ATP2C2: variants seen among roughly 807,000 people sequenced by gnomAD.
ATP2C2 encodes calcium-transporting ATPase type 2C member 2.
In ATP2C2, 171 loss-of-function variants were observed where a neutral mutation model predicts 110.8. The observed-to-expected ratio is 1.54, with a 90% CI of 1.36 to 1.75. The LOEUF (loss-of-function observed/expected upper bound fraction) is 1.75. Among genes scored for constraint, ATP2C2 ranks in the 40% most tolerant of loss-of-function variants. The pLI is 0.00. For synonymous variants in ATP2C2, 804 were observed against 508.4 expected, an observed-to-expected ratio of 1.58 and a Z score of -7.82; for missense variants, 1,963 against 1,235.0, an observed-to-expected ratio of 1.59 and a Z score of -8.84.
chr16:84,442,459 T>G, intron 14 of ATP2C2, 51 bp from the exon 15 acceptor site: 3 of 1,581,558 alleles, frequency 1.9e-6, no homozygotes, highest in African/African-American at 1.3e-5. Flanking sequence ...AATGTCTAAC[T>G]TTTTCATGAG....
chr16:84,451,720 C>G (rs893204659), intron 17 of ATP2C2, among the ~76,000 whole-genome samples: 3 of 152,176 alleles, frequency 2.0e-5, no homozygotes, highest in East Asian at 1.9e-4. Context: ...TGCCCGTAAT[C>G]CCAGCTACTC....
chr16:84,370,236 G>C (rs1909873369), intron 1 of ATP2C2, among the ~76,000 whole-genome samples: 1 of 152,218 alleles, frequency 6.6e-6, no homozygotes, highest in Non-Finnish European at 1.5e-5. Flanking sequence ...AGAGTTCTCA[G>C]AGGTCTGACA....
At chr16:84,407,357 C>T (rs118000978) in intron 3 of ATP2C2, 161 of 152,712 alleles carry the variant, frequency 1.1e-3, no homozygotes, top group Admixed American at 1.8e-3. Flanking sequence ...TGAAATGAGA[C>T]GGAAAGCCAT....
In ATP2C2 at chr16:84,405,263, T is replaced by C. The variant is rs369297381; in HGVS notation, c.327+19T>C. On this transcript the variant is annotated intron_variant, in intron 3 of 26. Transcript: ENST00000262429. ...GGATCAGGTAGGACCAGAGGTGTCATTCTTTGCATTAACATGCATAAGCCA... is the reference window on the plus strand; with the variant it reads ...GGATCAGGTAGGACCAGAGGTGTCACTCTTTGCATTAACATGCATAAGCCA... The C allele has an allele frequency of 6.9e-6, 11 of 1,593,832 alleles. No individual in the cohort carries two copies. Among genetic ancestry groups the C allele is most frequent in the African/African-American group, 1.3e-5 (1 of 74,270 alleles).
chr16:84,438,264 C>G (rs1441018743), intron 11 of ATP2C2, among the ~76,000 whole-genome samples: 1 of 152,098 alleles, frequency 6.6e-6, no homozygotes, highest in Admixed American at 6.5e-5. Flanking sequence ...CAGCAGTGGC[C>G]CACTTGCAAA....
intron 14 of ATP2C2, among the ~76,000 whole-genome samples, chr16:84,442,163 A>G (rs1481235025): frequency 2.0e-5 from 3 of 152,058 alleles, no homozygotes; most frequent in African/African-American, 7.2e-5. Context: ...AGTGGTTTCA[A>G]TTTGTTCACA....
chr16:84,371,283 G>A (rs950542928), intron 1 of ATP2C2, among the ~76,000 whole-genome samples: 2 of 152,198 alleles, frequency 1.3e-5, no homozygotes, highest in Non-Finnish European at 2.9e-5. Context: ...TTGGAAGACT[G>A]AGGCAGGAGG....
At chr16:84,399,642 G>A (rs145874405) in intron 2 of ATP2C2, among the ~76,000 whole-genome samples, 1,552 of 151,994 alleles carry the variant, frequency 0.01, 15 homozygotes, top group Middle Eastern at 0.031. Flanking sequence ...AATTTTTGTG[G>A]GTACATAGTA....
At chr16:84,376,710 A>T (rs1910270558) in intron 1 of ATP2C2, among the ~76,000 whole-genome samples, 1 of 152,102 alleles carries the variant, frequency 6.6e-6, no homozygotes. Flanking sequence ...TGGGTGGAGG[A>T]GGGGAGATGC....
In ATP2C2 at chr16:84,405,159, C is replaced by T. The variant is rs368110774; in HGVS notation, c.242C>T (p.Ser81Leu). The change falls in exon 3 of 27, where the codon TCG becomes TTG. Residue 81 changes from serine (S) to leucine (L), a missense_variant. Transcript: ENST00000262429. ...TTACACACTGGGCTGTCGGAGTTCTCGGTGACGCAGCGCCGGCTGGCCCAT... is the reference window on the plus strand; with the variant it reads ...TTACACACTGGGCTGTCGGAGTTCTTGGTGACGCAGCGCCGGCTGGCCCAT... ...VDLHTGLSEF[S>L]VTQRRLAHGW... The T allele has an allele frequency of 2.7e-5, 44 of 1,613,900 alleles. No homozygotes were observed. Among genetic ancestry groups the T allele is most frequent in the Admixed American group, 8.3e-5 (5 of 59,992 alleles).
intron 1 of ATP2C2, among the ~76,000 whole-genome samples, chr16:84,376,516 T>G (rs1247830406): frequency 8.0e-5 from 12 of 149,544 alleles, no homozygotes; most frequent in Admixed American, 7.4e-4. Context: ...CTTAACACAT[T>G]ATGAGATTTT....
chr16:84,379,418 G>A (rs930563549), intron 1 of ATP2C2, among the ~76,000 whole-genome samples: 3 of 152,142 alleles, frequency 2.0e-5, no homozygotes, highest in East Asian at 1.9e-4. Flanking sequence ...TGTCCACCGC[G>A]GTCTCCCAAA....
At chr16:84,414,162 G>A (rs1457145766) in intron 6 of ATP2C2, among the ~76,000 whole-genome samples, 1 of 152,192 alleles carries the variant, frequency 6.6e-6, no homozygotes. Context: ...GCCTGCCATG[G>A]GAGGAGCTGA....
chr16:84,383,517 G>A (rs1014942635), intron 1 of ATP2C2, among the ~76,000 whole-genome samples: 12 of 152,306 alleles, frequency 7.9e-5, no homozygotes, highest in East Asian at 1.9e-4. Flanking sequence ...CAGCCATACC[G>A]TTATTCTGGA....
intron 7 of ATP2C2, among the ~76,000 whole-genome samples, chr16:84,421,189 C>T (rs1037777450): frequency 1.3e-5 from 2 of 152,204 alleles, no homozygotes; most frequent in Non-Finnish European, 2.9e-5. Context: ...CTCAGCATCG[C>T]TCAGTGACTT....
intron 7 of ATP2C2, among the ~76,000 whole-genome samples, chr16:84,420,756 G>A (rs1014127714): frequency 5.9e-5 from 9 of 152,038 alleles, no homozygotes; most frequent in Non-Finnish European, 1.3e-4. Context: ...GTTCTTGTTG[G>A]CTGTGACAGT....
At chr16:84,378,902 G>A (rs945175332) in intron 1 of ATP2C2, among the ~76,000 whole-genome samples, 2 of 152,134 alleles carry the variant, frequency 1.3e-5, no homozygotes, top group African/African-American at 4.8e-5. Flanking sequence ...AGCTCTTGCT[G>A]TTTGGGGTTC....
At chr16:84,406,591 T>C (rs2150521332) in intron 3 of ATP2C2, 1 of 985,624 alleles carries the variant, frequency 1.0e-6, no homozygotes, top group Non-Finnish European at 1.2e-6. Context: ...AAGGCTCAGT[T>C]CTCAGTGTTC....
chr16:84,445,869 G>C (rs1008316025), intron 15 of ATP2C2, among the ~76,000 whole-genome samples: 1 of 152,240 alleles, frequency 6.6e-6, no homozygotes, highest in Non-Finnish European at 1.5e-5. Flanking sequence ...GGGAAACTGA[G>C]ATTCTGAGTT....
Sources: gnomAD v4.1 joint callset for allele counts (sites outside exome capture counted in the v4.1 genomes callset) on GRCh38, gnomAD v4.1.1 for gene constraint, MANE v1.5 for transcripts, NCBI Gene and HGNC (gene_info 2026-07-23, HGNC 2026-07-21) for gene names.